Variants in CACNB2 observed in about 807,000 individuals in gnomAD.
CACNB2 encodes voltage-dependent L-type calcium channel subunit beta-2.
In CACNB2, 42 loss-of-function variants were observed where a neutral mutation model predicts 73.3. That is an observed-to-expected ratio of 0.57 (90% confidence interval 0.45 to 0.74). CACNB2 has a LOEUF of 0.74. Among genes scored for constraint, CACNB2 ranks in the 30% least tolerant of loss-of-function variants. The pLI is 0.00. For synonymous variants in CACNB2, 348 were observed against 310.3 expected (o/e 1.12, Z -1.28); for missense variants, 940 against 853.0 (o/e 1.10, Z -1.27).
At chr10:18,220,218 T>G (rs1240546386) in intron 2 of CACNB2, among the ~76,000 whole-genome samples, 560 of 45,824 alleles carry the variant, frequency 0.012, 20 homozygotes, top group African/African-American at 0.018. Flanking sequence ...TATATATATA[T>G]ATATATATAT....
chr10:18,353,374 C>T (rs2041790569), intron 2 of CACNB2, among the ~76,000 whole-genome samples: 1 of 151,096 alleles, frequency 6.6e-6, no homozygotes, highest in African/African-American at 2.4e-5. Context: ...TGTGCTGCTG[C>T]ACTCTAGCCT....
rs552455098 is a variant in CACNB2 at position 18,534,622 on chromosome 10, G to A, written c.1206+395G>A. On this transcript the variant is annotated intron_variant, in intron 11 of 13. Transcript: ENST00000324631. ...AGTACCAGCAGTTACTGTATTCACCGCCACCATGCTTTCGCAGTTTGAGGG... is the reference window on the plus strand; with the variant it reads ...AGTACCAGCAGTTACTGTATTCACCACCACCATGCTTTCGCAGTTTGAGGG... Among the ~76,000 whole-genome samples the A allele has an allele frequency of 3.7e-4, 57 of 152,312 alleles. 1 individual carries two copies. The highest frequency in any genetic ancestry group is 2.7e-3 in the South Asian group (13 of 4,828).
At chr10:18,520,807 A>C (rs1430490741) in intron 9 of CACNB2, among the ~76,000 whole-genome samples, 1 of 152,206 alleles carries the variant, frequency 6.6e-6, no homozygotes, top group Non-Finnish European at 1.5e-5. Flanking sequence ...TGCTAGGAAC[A>C]CTTTTCCCTC....
intron 3 of CACNB2, among the ~76,000 whole-genome samples, chr10:18,491,791 G>C (rs2049442481): frequency 8.1e-6 from 1 of 123,680 alleles, no homozygotes; most frequent in African/African-American, 3.0e-5. Context: ...ATTCCGTAAG[G>C]GATATTCCCT....
intron 12 of CACNB2, among the ~76,000 whole-genome samples, chr10:18,537,539 G>A (rs1033192995): frequency 6.6e-6 from 1 of 151,956 alleles, no homozygotes; most frequent in African/African-American, 2.4e-5. Flanking sequence ...CACTTTGGGA[G>A]GCCGAGGCGG....
chr10:18,185,012 C>T (rs1382257320), intron 2 of CACNB2, among the ~76,000 whole-genome samples: 1 of 151,988 alleles, frequency 6.6e-6, no homozygotes, highest in Non-Finnish European at 1.5e-5. Flanking sequence ...GCCAATTTTT[C>T]ATTTTTTGTA....
chr10:18,306,195 G>A (rs1041334206), intron 2 of CACNB2, among the ~76,000 whole-genome samples: 10 of 152,108 alleles, frequency 6.6e-5, no homozygotes, highest in East Asian at 5.8e-4. Flanking sequence ...TATAAGGAGC[G>A]TGTGGGTGAT....
intron 2 of CACNB2, among the ~76,000 whole-genome samples, chr10:18,225,025 A>G (rs141712781): frequency 1.7e-3 from 258 of 152,296 alleles, no homozygotes; most frequent in Non-Finnish European, 1.8e-3. Flanking sequence ...GATGTCAGCC[A>G]GCCCTCTGTT....
chr10:18,303,501 T>C (rs2131844748), intron 2 of CACNB2, among the ~76,000 whole-genome samples: 1 of 151,608 alleles, frequency 6.6e-6, no homozygotes, highest in African/African-American at 2.4e-5. Context: ...CAAGGCCCCA[T>C]CTCAAACCAA....
intron 7 of CACNB2, among the ~76,000 whole-genome samples, chr10:18,516,163 C>T (rs571853152): frequency 2.0e-5 from 3 of 151,800 alleles, no homozygotes; most frequent in African/African-American, 7.3e-5. Context: ...TGCAGTGAGC[C>T]GAGACCATGC....
At chr10:18,153,469 T>C (rs186523710) in intron 2 of CACNB2, among the ~76,000 whole-genome samples, 163 of 152,166 alleles carry the variant, frequency 1.1e-3, no homozygotes, top group Non-Finnish European at 1.9e-3. Flanking sequence ...AAGTAAAAGC[T>C]GCCATAAGAT....
In CACNB2 at chr10:18,400,954, G is replaced by A. The variant is rs2043963019; in HGVS notation, c.214-970G>A. ...AGAGCATGGATAGGAAAGGAGCTGG[G>A]GTTCTCCGGGGCTCAGCGCGCACTG... On this transcript the variant is annotated intron_variant, in intron 2 of 13. Transcript: ENST00000324631. 5.0e-6 allele frequency: 8 copies of A among 1,607,844 alleles called. No homozygotes were observed. In the African/African-American group the frequency reaches 5.4e-5, roughly 11 times the overall value.
At position 18,537,061 on chromosome 10, in the gene CACNB2, T is replaced by C. The variant is rs573456075; in HGVS notation, c.1302+865T>C. On this transcript the variant is annotated intron_variant, in intron 12 of 13. Transcript: ENST00000324631. ...GTGCAGTGGTGGTGTCTCAGCTCACTATTGCAACCTCTGCCTCCCGGGCTC... is the reference window on the plus strand; with the variant it reads ...GTGCAGTGGTGGTGTCTCAGCTCACCATTGCAACCTCTGCCTCCCGGGCTC... Among the ~76,000 whole-genome samples the C allele has an allele frequency of 3.3e-5, 5 of 152,162 alleles. No homozygotes were observed. The South Asian group carries it at 1.0e-3, about 32-fold the overall frequency.
chr10:18,471,995 G>A (rs370386716), intron 3 of CACNB2, among the ~76,000 whole-genome samples: 2 of 152,182 alleles, frequency 1.3e-5, no homozygotes, highest in African/African-American at 2.4e-5. Flanking sequence ...CACCCCAGAC[G>A]TGTTCAACTC....
intron 3 of CACNB2, among the ~76,000 whole-genome samples, chr10:18,458,345 T>G (rs2047389068): frequency 6.6e-6 from 1 of 152,252 alleles, no homozygotes; most frequent in Admixed American, 6.5e-5. Flanking sequence ...TTGACTTTCA[T>G]GTTTTACTAT....
chr10:18,251,229 C>G (rs1004349995), intron 2 of CACNB2, among the ~76,000 whole-genome samples: 1 of 151,952 alleles, frequency 6.6e-6, no homozygotes, highest in Non-Finnish European at 1.5e-5. Flanking sequence ...TAGCCTTAAG[C>G]AAGTCTCTCG....
intron 2 of CACNB2, among the ~76,000 whole-genome samples, chr10:18,346,319 T>C (rs1050463439): frequency 1.3e-5 from 2 of 152,000 alleles, no homozygotes; most frequent in African/African-American, 2.4e-5. Context: ...TTTGTATGTT[T>C]AGTAGAGACG....
intron 2 of CACNB2, among the ~76,000 whole-genome samples, chr10:18,268,947 A>G (rs1453443908): frequency 2.0e-5 from 3 of 152,178 alleles, no homozygotes; most frequent in Admixed American, 6.5e-5. Flanking sequence ...TTCTTGATCA[A>G]GAAGTGTCTC....
At chr10:18,466,725 A>G (rs1365528995) in intron 3 of CACNB2, among the ~76,000 whole-genome samples, 2 of 152,190 alleles carry the variant, frequency 1.3e-5, no homozygotes, top group Non-Finnish European at 2.9e-5. Context: ...TAAAAATTCT[A>G]GCTCCTGGTA....
Sources: allele counts gnomAD v4.1 joint callset (sites outside exome capture counted in the v4.1 genomes callset), GRCh38; gene constraint gnomAD v4.1.1; transcripts MANE v1.5; gene names NCBI Gene and HGNC (gene_info 2026-07-23, HGNC 2026-07-21).